The following MGLL variants were observed in gnomAD, a reference collection of about 807,000 sequenced individuals.
MGLL encodes lysophospholipase homolog.
In MGLL, 7 loss-of-function variants were observed where a neutral mutation model predicts 29.1. The observed-to-expected ratio is 0.24, with a 90% CI of 0.14 to 0.45. The LOEUF is 0.45. MGLL is among the 20% of genes least tolerant of loss of function. The probability of loss-of-function intolerance (pLI) is 0.99; values close to 1 mark genes in which losing one functional copy is unlikely to be tolerated. For synonymous variants in MGLL, 148 were observed against 168.3 expected (o/e 0.88, Z 0.93); for missense variants, 356 against 413.6 (o/e 0.86, Z 1.21).
At chr3:127,813,494 C>T (rs968465211) in intron 2 of MGLL, among the ~76,000 whole-genome samples, 5 of 152,196 alleles carry the variant, frequency 3.3e-5, no homozygotes, top group African/African-American at 1.2e-4. Flanking sequence ...CTCTCCAAGC[C>T]CTGCTCCAAA....
intron 2 of MGLL, among the ~76,000 whole-genome samples, chr3:127,800,774 G>C (rs1247186947): frequency 1.3e-5 from 2 of 152,170 alleles, no homozygotes; most frequent in Non-Finnish European, 2.9e-5. Flanking sequence ...ACTACCCACT[G>C]GTTGGCCTGG....
At chr3:127,730,982 C>A (rs544385475) in intron 3 of MGLL, among the ~76,000 whole-genome samples, 10 of 152,168 alleles carry the variant, frequency 6.6e-5, no homozygotes, top group Non-Finnish European at 1.3e-4. Context: ...ACGGGCCTGG[C>A]AGAAGGTGGG....
intron 2 of MGLL, among the ~76,000 whole-genome samples, chr3:127,809,952 CA>C (rs1431682853): frequency 6.6e-6 from 1 of 152,184 alleles, no homozygotes; most frequent in Non-Finnish European, 1.5e-5. Context: ...CAATTCTAGA[CA>C]TTTAGCCACA....
rs750624706 is a variant in MGLL, at chr3:127,721,005, T to C, written c.510+48A>G. On this transcript the variant is annotated intron_variant, in intron 5 of 7. Transcript: ENST00000265052. ...ACTCAGGCTACAAATGGAAGACCCA[T>C]GTCCCGGGGAACCTGTAGGAATTGT... is the stretch of plus-strand genomic sequence containing the variant. 39 of 1,502,432 alleles carry C rather than the reference T, an allele frequency of 2.6e-5. No homozygotes were observed. The African/African-American group carries it at 3.9e-4, about 15-fold the overall frequency. 93.1% of individuals were successfully genotyped at this position (1,502,432 alleles called of 1,614,324 possible).
rs540329624 is a variant in MGLL at position 127,756,441 on chromosome 3, C to G, written c.262+25348G>C. Among the ~76,000 whole-genome samples, 11 of 152,278 alleles carry G rather than the reference C, an allele frequency of 7.2e-5. No individual in the cohort carries two copies. The South Asian group carries it at 2.3e-3, about 32-fold the overall frequency. On this transcript the variant is annotated intron_variant, in intron 3 of 7. Transcript: ENST00000265052. ...CCCCAGGGCCAGATGCCAGAAGCCCCTACACCCCAGAGCCCACAAAATCAT... is the reference window on the plus strand; with the variant it reads ...CCCCAGGGCCAGATGCCAGAAGCCCGTACACCCCAGAGCCCACAAAATCAT...
intron 2 of MGLL, among the ~76,000 whole-genome samples, chr3:127,814,202 C>A (rs988316117): frequency 2.6e-5 from 4 of 152,180 alleles, no homozygotes; most frequent in African/African-American, 9.7e-5. Flanking sequence ...GGCATGTTAG[C>A]AGATGGACAC....
chr3:127,762,777 T>C (rs976421700), intron 3 of MGLL, among the ~76,000 whole-genome samples: 5 of 152,216 alleles, frequency 3.3e-5, no homozygotes, highest in African/African-American at 9.6e-5. Flanking sequence ...GTGCACTTCC[T>C]GCATGCTGCT....
intron 2 of MGLL, among the ~76,000 whole-genome samples, chr3:127,801,326 G>C (rs907523997): frequency 7.0e-6 from 1 of 142,332 alleles, no homozygotes; most frequent in Non-Finnish European, 1.5e-5. Context: ...AAAAAGGAGT[G>C]GGGGTAACGG....
intron 3 of MGLL, among the ~76,000 whole-genome samples, chr3:127,780,870 G>A (rs563829721): frequency 1.3e-5 from 2 of 152,238 alleles, no homozygotes; most frequent in Non-Finnish European, 2.9e-5. Flanking sequence ...CATTGAAGCT[G>A]TGGGGAAATC....
At chr3:127,785,757 C>G (rs929068347) in intron 2 of MGLL, among the ~76,000 whole-genome samples, 14 of 152,250 alleles carry the variant, frequency 9.2e-5, no homozygotes, top group African/African-American at 3.4e-4. Flanking sequence ...ACGTGCCAGG[C>G]CCCCAGGACA....
chr3:127,769,614 A>G (rs2076916407), intron 3 of MGLL, among the ~76,000 whole-genome samples: 1 of 152,212 alleles, frequency 6.6e-6, no homozygotes, highest in South Asian at 2.1e-4. Context: ...TCCAGGGAGT[A>G]CTGGACCCTG....
chr3:127,740,466 G>A (rs920565812), intron 3 of MGLL, among the ~76,000 whole-genome samples: 1 of 151,948 alleles, frequency 6.6e-6, no homozygotes, highest in East Asian at 1.9e-4. Flanking sequence ...AGTGGACTTC[G>A]CAAAAACCCC....
chr3:127,692,120 A>G lies in MGLL; in HGVS notation c.*78T>C. On this transcript the variant is annotated 3_prime_UTR_variant, in exon 8 of 8. Transcript: ENST00000265052. Reference sequence around the variant, plus strand: ...TTTTTTTTTTTTTTTTTTTTTGGCAAGCCATATCTGAGAAGCCATCTCTGC... The same window carrying G: ...TTTTTTTTTTTTTTTTTTTTTGGCAGGCCATATCTGAGAAGCCATCTCTGC... 1 of 889,912 alleles carries G rather than the reference A, an allele frequency of 1.1e-6. No individual in the cohort carries two copies. Among genetic ancestry groups the G allele is most frequent in the Non-Finnish European group, 1.6e-6 (1 of 616,168 alleles). The allele number at this position is 889,912 out of a possible 1,614,324, so 55.1% of individuals were successfully genotyped here.
At chr3:127,780,497 TCAAA>T (rs1320331016) in intron 3 of MGLL, among the ~76,000 whole-genome samples, 2 of 152,220 alleles carry the variant, frequency 1.3e-5, no homozygotes, top group Non-Finnish European at 2.9e-5. Flanking sequence ...ATATTATTTC[TCAAA>T]CAGTCTCACA....
intron 6 of MGLL, among the ~76,000 whole-genome samples, chr3:127,709,448 G>T (rs2075666774): frequency 6.6e-6 from 1 of 152,160 alleles, no homozygotes; most frequent in African/African-American, 2.4e-5. Context: ...CCCTGATCTA[G>T]AAAGTCTCTT....
chr3:127,717,460 T>G (rs1260770262), intron 5 of MGLL, among the ~76,000 whole-genome samples: 1 of 152,216 alleles, frequency 6.6e-6, no homozygotes, highest in East Asian at 1.9e-4. Context: ...TTTCCCCTCC[T>G]TCCAGGGCGG....
chr3:127,700,280 G>T (rs1194136550), intron 6 of MGLL, among the ~76,000 whole-genome samples: 1 of 152,184 alleles, frequency 6.6e-6, no homozygotes, highest in Non-Finnish European at 1.5e-5. Flanking sequence ...GTCTTGAATG[G>T]CCGGAGACAT....
chr3:127,694,269 GAAAA>G (rs61437030), intron 7 of MGLL, among the ~76,000 whole-genome samples: 5 of 67,636 alleles, frequency 7.4e-5, no homozygotes, highest in African/African-American at 2.3e-4. Context: ...TACTCTGTCT[GAAAA>G]AAAAAAAAAA....
At chr3:127,780,003 G>A (rs1559965178) in intron 3 of MGLL, among the ~76,000 whole-genome samples, 1 of 152,166 alleles carries the variant, frequency 6.6e-6, no homozygotes, top group East Asian at 1.9e-4. Flanking sequence ...ATTTCCATGA[G>A]TCATTCAAAG....
Sources: allele counts gnomAD v4.1 joint callset (sites outside exome capture counted in the v4.1 genomes callset), GRCh38; gene constraint gnomAD v4.1.1; transcripts MANE v1.5; gene names NCBI Gene and HGNC (gene_info 2026-07-23, HGNC 2026-07-21).